Variants in SHANK2 observed in about 807,000 individuals in gnomAD.
SHANK2 encodes SH3 and multiple ankyrin repeat domains 2, also known as SH3 and multiple ankyrin repeat domains protein 2.
In SHANK2, 43 loss-of-function variants were observed where a neutral mutation model predicts 133.7. The ratio of observed to expected loss-of-function variants is 0.32; its 90% CI spans 0.25 to 0.41. The LOEUF (loss-of-function observed/expected upper bound fraction) is 0.41, where lower values mean the gene tolerates loss of function less well. Among genes scored for constraint, SHANK2 ranks in the 10% least tolerant of loss-of-function variants. The probability of loss-of-function intolerance (pLI) is 1.00; values close to 1 mark genes in which losing one functional copy is unlikely to be tolerated. For synonymous variants in SHANK2, 1,017 were observed against 952.8 expected, an observed-to-expected ratio of 1.07 and a Z score of -1.24; for missense variants, 1,994 against 2,235.8, an observed-to-expected ratio of 0.89 and a Z score of 2.18.
chr11:71,247,801 G>A (rs1424987079), intron 1 of SHANK2, among the ~76,000 whole-genome samples: 1 of 152,084 alleles, frequency 6.6e-6, no homozygotes, highest in Non-Finnish European at 1.5e-5. Context: ...CCATTCACAC[G>A]CCCCTCACTG....
intron 25 of SHANK2, among the ~76,000 whole-genome samples, chr11:70,482,502 T>C (rs2058748238): frequency 6.6e-6 from 1 of 152,140 alleles, no homozygotes; most frequent in Non-Finnish European, 1.5e-5. Flanking sequence ...GCCAGCTCCA[T>C]GGGTTGGAGG....
chr11:70,749,054 C>T (rs1048275209), intron 14 of SHANK2, among the ~76,000 whole-genome samples: 8 of 152,222 alleles, frequency 5.3e-5, no homozygotes, highest in Non-Finnish European at 1.2e-4. Context: ...GTCAGATGGG[C>T]TCAGGTGTTA....
chr11:70,845,050 T>C (rs1438680472), intron 11 of SHANK2, among the ~76,000 whole-genome samples: 1 of 151,176 alleles, frequency 6.6e-6, no homozygotes, highest in Non-Finnish European at 1.5e-5. Flanking sequence ...AATACAAAAA[T>C]TAGCCAGGTG....
At chr11:70,945,148 G>C (rs1555085133) in intron 10 of SHANK2, among the ~76,000 whole-genome samples, 1 of 152,098 alleles carries the variant, frequency 6.6e-6, no homozygotes, top group African/African-American at 2.4e-5. Flanking sequence ...GCAGGGGATG[G>C]AAATTGTGTA....
At chr11:71,079,181 G>A (rs1048155177) in intron 8 of SHANK2, among the ~76,000 whole-genome samples, 3 of 152,246 alleles carry the variant, frequency 2.0e-5, no homozygotes, top group African/African-American at 7.2e-5. Flanking sequence ...AAATGCATAT[G>A]CTGGATCCCA....
chr11:70,829,502 C>T (rs1379433068), intron 11 of SHANK2, among the ~76,000 whole-genome samples: 3 of 152,138 alleles, frequency 2.0e-5, no homozygotes, highest in Non-Finnish European at 4.4e-5. Context: ...GTCCCTCTGC[C>T]CCGCCCACCC....
At chr11:70,543,025 C>T (rs892682372) in intron 17 of SHANK2, among the ~76,000 whole-genome samples, 1 of 152,114 alleles carries the variant, frequency 6.6e-6, no homozygotes, top group East Asian at 1.9e-4. Context: ...GGGCGGCATG[C>T]GCTGGGTGAG....
chr11:71,225,757 A>C (rs1555122110), intron 1 of SHANK2, among the ~76,000 whole-genome samples: 1 of 152,226 alleles, frequency 6.6e-6, no homozygotes, highest in Admixed American at 6.5e-5. Flanking sequence ...AACATGCTAG[A>C]AACAGATGAA....
intron 10 of SHANK2, among the ~76,000 whole-genome samples, chr11:70,942,156 C>A (rs1590857738): frequency 6.6e-6 from 1 of 152,074 alleles, no homozygotes; most frequent in South Asian, 2.1e-4. Context: ...CACTGCACTT[C>A]AGCCTGGGCG....
intron 10 of SHANK2, among the ~76,000 whole-genome samples, chr11:70,901,028 C>T (rs961450974): frequency 1.3e-5 from 2 of 152,124 alleles, no homozygotes; most frequent in African/African-American, 2.4e-5. Flanking sequence ...AGGTGCCACA[C>T]GCTGCTCTGA....
At chr11:70,856,559 G>A (rs1949175486) in intron 11 of SHANK2, among the ~76,000 whole-genome samples, 1 of 152,152 alleles carries the variant, frequency 6.6e-6, no homozygotes, top group Non-Finnish European at 1.5e-5. Context: ...TAGGTGGCTG[G>A]ATGAATGAAT....
intron 14 of SHANK2, among the ~76,000 whole-genome samples, chr11:70,718,377 C>T (rs577674886): frequency 2.4e-4 from 37 of 152,338 alleles, no homozygotes; most frequent in Admixed American, 9.2e-4. Flanking sequence ...AACTGCGCCT[C>T]GGTGGAGGTG....
rs547281070 is a variant in SHANK2, at chr11:70,589,935, C to T, written c.2061+69893G>A. Among the ~76,000 whole-genome samples the T allele has an allele frequency of 8.5e-5, 13 of 152,224 alleles. 1 individual carries two copies. The South Asian group carries it at 1.5e-3, about 17-fold the overall frequency. ...TTGGGAGGCCGAGGCAGGAGGATCA[C>T]GAGGTTAGGAGATCAAGACCATCCT... On this transcript the variant is annotated intron_variant, in intron 17 of 25. Coordinates refer to ENST00000601538, the MANE Select transcript of SHANK2 (RefSeq NM_012309.5).
chr11:71,160,379 G>A (rs1952989908), intron 2 of SHANK2, among the ~76,000 whole-genome samples: 1 of 152,148 alleles, frequency 6.6e-6, no homozygotes, highest in Non-Finnish European at 1.5e-5. Context: ...ACCTTTAAGA[G>A]GTAATTCAGG....
intron 17 of SHANK2, among the ~76,000 whole-genome samples, chr11:70,632,103 G>A (rs1555002421): frequency 6.6e-6 from 1 of 152,126 alleles, no homozygotes; most frequent in Non-Finnish European, 1.5e-5. Flanking sequence ...CTTCAATCAG[G>A]GAAGAGTGGA....
intron 2 of SHANK2, among the ~76,000 whole-genome samples, chr11:71,148,715 T>C (rs1952703785): frequency 1.3e-5 from 2 of 152,222 alleles, no homozygotes; most frequent in Non-Finnish European, 2.9e-5. Flanking sequence ...TTCATTCCCA[T>C]GAACTCCACA....
intron 14 of SHANK2, among the ~76,000 whole-genome samples, chr11:70,763,951 A>G (rs1374425354): frequency 7.2e-5 from 11 of 152,212 alleles, no homozygotes; most frequent in Non-Finnish European, 1.5e-4. Flanking sequence ...AGATGCTGAC[A>G]TGAAATCATA....
intron 17 of SHANK2, among the ~76,000 whole-genome samples, chr11:70,590,533 T>C (rs2060307988): frequency 6.6e-6 from 1 of 152,198 alleles, no homozygotes; most frequent in Admixed American, 6.5e-5. Context: ...TTTCAGAAAT[T>C]GCCACAGTCA....
intron 10 of SHANK2, chr11:70,910,942 C>T: frequency 4.4e-6 from 2 of 456,212 alleles, no homozygotes; most frequent in East Asian, 7.0e-5. Flanking sequence ...GCTGGGGGCA[C>T]ATGTGCACAT....
Sources: allele counts gnomAD v4.1 joint callset (sites outside exome capture counted in the v4.1 genomes callset), GRCh38; gene constraint gnomAD v4.1.1; transcripts MANE v1.5; gene names NCBI Gene and HGNC (gene_info 2026-07-23, HGNC 2026-07-21).